The following SCIN variants were observed in gnomAD, a reference collection of about 807,000 sequenced individuals.
The protein encoded by SCIN is scinderin.
Under a neutral mutation model 91.8 loss-of-function variants are expected in SCIN, and 91 were observed. The observed-to-expected ratio is 0.99, with a 90% CI of 0.84 to 1.18. The LOEUF (loss-of-function observed/expected upper bound fraction) is 1.18, where lower values mean the gene tolerates loss of function less well. Ranked by LOEUF, SCIN falls within the 50% of genes most tolerant of loss-of-function variation. The pLI, the probability that SCIN is intolerant of heterozygous loss-of-function variation, is 0.00. For synonymous variants in SCIN, 367 were observed against 312.6 expected, an observed-to-expected ratio of 1.17 and a Z score of -1.84; for missense variants, 1,087 against 863.9, an observed-to-expected ratio of 1.26 and a Z score of -3.24.
rs1783030501 is a variant in SCIN at position 12,604,519 on chromosome 7, T to G, written c.522T>G (p.Ile174Met). The stretch of plus-strand genomic sequence containing the variant: ...GATCTGTCTCTTTCTTTTAGGAAAT[T>G]TATCAGTGGTGTGGTTCCTCGTGCA... ...DCFIIDLGTE[I>M]YQWCGSSCNK... Residue 174 changes from isoleucine to methionine, a missense_variant, in exon 4 of 16, where the codon ATT becomes ATG. Physicochemically the swap from Ile to Met is conservative, Grantham distance 10. Transcript: ENST00000297029. 6.4e-6 allele frequency: 10 copies of G among 1,551,594 alleles called. No individual in the cohort carries two copies. Among genetic ancestry groups the G allele is most frequent in the South Asian group, 4.8e-5 (4 of 84,052 alleles).
chr7:12,606,545 T>C (rs1405291675), intron 4 of SCIN, among the ~76,000 whole-genome samples: 1 of 152,194 alleles, frequency 6.6e-6, no homozygotes, highest in Non-Finnish European at 1.5e-5. Flanking sequence ...GTTTTGGAAA[T>C]AATTTTAATT....
intron 3 of SCIN, among the ~76,000 whole-genome samples, chr7:12,599,734 C>T (rs902196274): frequency 2.6e-5 from 4 of 151,668 alleles, no homozygotes; most frequent in Non-Finnish European, 4.4e-5. Context: ...GAGGTGGTAT[C>T]GCATTGTGAT....
Position 12,591,366 on chromosome 7 carries a change from T to C in SCIN, c.516+10145T>C, listed in dbSNP as rs577566749. 7.9e-5 allele frequency among the ~76,000 whole-genome samples: 12 copies of C among 152,260 alleles called. No individual in the cohort carries two copies. In the South Asian group the frequency reaches 2.5e-3, roughly 32 times the overall value. On this transcript the variant is annotated intron_variant, in intron 3 of 15. Transcript: ENST00000297029. ...GTATTCTGGCTGAAAGTTAGTTTCC[T>C]GCTTTCTAGAGCTAAGCTGGCTACC...
At position 12,629,093 on chromosome 7, in the gene SCIN, C is replaced by T. The variant is rs781445579; in HGVS notation, c.1198-8C>T. ...TGTAATTTGTTGTATATATTCCATT[C>T]CTTCCAGATTTGGCGTGTAGAAAAC... On this transcript the variant is annotated splice_polypyrimidine_tract_variant and splice_region_variant and intron_variant, in intron 8 of 15. Coordinates refer to ENST00000297029, the MANE Select transcript of SCIN (RefSeq NM_001112706.3). The T allele has an allele frequency of 1.4e-5, 23 of 1,607,636 alleles. 1 individual carries two copies. In the South Asian group the frequency reaches 2.4e-4, roughly 17 times the overall value.
chr7:12,575,881 G>A (rs1782359759), intron 1 of SCIN, among the ~76,000 whole-genome samples: 1 of 152,116 alleles, frequency 6.6e-6, no homozygotes, highest in Non-Finnish European at 1.5e-5. Context: ...CGCATCCAAA[G>A]GCTGACATTG....
At chr7:12,645,278 C>T (rs1220933430) in intron 13 of SCIN, among the ~76,000 whole-genome samples, 3 of 152,100 alleles carry the variant, frequency 2.0e-5, no homozygotes, top group East Asian at 1.9e-4. Context: ...AAGATCGTGC[C>T]ACTGGCACCA....
At chr7:12,640,655 T>C in intron 11 of SCIN, 138 bp downstream of exon 11, 3 of 770,756 alleles carry the variant, frequency 3.9e-6, no homozygotes, top group Non-Finnish European at 5.5e-6. Flanking sequence ...TTCAAAATTT[T>C]AAAAACATTT....
At position 12,644,585 on chromosome 7, in the gene SCIN, G is replaced by C; in HGVS notation, c.1761G>C (p.Glu587Asp). ...GATAACTGAGTGTGTTTTCCACAGA[G>C]GAGTTCTGGAATTCCCTTGGAGGGA... Reference protein sequence around the residue: ...TLRIQEGEEPEEFWNSLGGKK... With the variant: ...TLRIQEGEEPDEFWNSLGGKK... Residue 587 changes from glutamate (E) to aspartate (D), a missense_variant and splice_region_variant, in exon 13 of 16, where the codon GAG becomes GAC. Coordinates refer to ENST00000297029, the MANE Select transcript of SCIN (RefSeq NM_001112706.3). 2 of 1,612,342 alleles carry C rather than the reference G, an allele frequency of 1.2e-6. No homozygotes were observed. The highest frequency in any genetic ancestry group is 1.3e-5 in the African/African-American group (1 of 74,978).
chr7:12,640,939 C>T (rs1434620582), intron 11 of SCIN, among the ~76,000 whole-genome samples: 2 of 152,106 alleles, frequency 1.3e-5, no homozygotes, highest in African/African-American at 4.8e-5. Flanking sequence ...CACACTGGAC[C>T]AGAACCATAA....
At chr7:12,593,154 G>A (rs991945358) in intron 3 of SCIN, among the ~76,000 whole-genome samples, 9 of 152,238 alleles carry the variant, frequency 5.9e-5, no homozygotes, top group Admixed American at 1.3e-4. Flanking sequence ...ACATGGCCCC[G>A]TCCAGTGGCC....
intron 4 of SCIN, among the ~76,000 whole-genome samples, chr7:12,608,914 G>A (rs1783135759): frequency 6.6e-6 from 1 of 152,128 alleles, no homozygotes; most frequent in African/African-American, 2.4e-5. Context: ...AAATGAGCCT[G>A]TTTTCATTAC....
rs541371505 is a variant in SCIN at position 12,633,370 on chromosome 7, GA to G, written c.1320-2669del. Among the ~76,000 whole-genome samples the G allele has an allele frequency of 6.6e-5, 10 of 152,234 alleles. No individual in the cohort carries two copies. In the South Asian group the frequency reaches 2.1e-3, roughly 32 times the overall value. On this transcript the variant is annotated intron_variant, in intron 9 of 15. Coordinates refer to ENST00000297029, the MANE Select transcript of SCIN (RefSeq NM_001112706.3). ...GCAACAACCACCACAGGTTTATAAA[GA>G]AAAAATATGTCAAAGTAGATTGCTT...
chr7:12,619,981 T>G (rs1461547068), intron 4 of SCIN, among the ~76,000 whole-genome samples: 2 of 152,082 alleles, frequency 1.3e-5, no homozygotes, highest in Non-Finnish European at 2.9e-5. Flanking sequence ...TTTTTTAGTT[T>G]TTTAAAATTT....
chr7:12,572,130 G>A (rs907157358), intron 1 of SCIN, among the ~76,000 whole-genome samples: 9 of 152,176 alleles, frequency 5.9e-5, no homozygotes, highest in African/African-American at 1.9e-4. Context: ...ATTGAGTAGT[G>A]ACTGTCTAAA....
At position 12,652,681 on chromosome 7, in the gene SCIN, G is replaced by T. The variant is rs775414184; in HGVS notation, c.2114G>T (p.Gly705Val). ...GGCCATGAGCCACCCACATTCACAG[G>T]CTGGTTCCTGGGCTGGGATTCCAGC... is the stretch of plus-strand genomic sequence containing the variant. ...KQGHEPPTFTGWFLGWDSSKW is the reference protein window; with the variant it reads ...KQGHEPPTFTVWFLGWDSSKW The change falls in exon 16 of 16, where the codon GGC (glycine) becomes GTC (valine). Residue 705 changes from glycine to valine, a missense_variant. By Grantham distance (109) the Gly-to-Val change is moderately radical (BLOSUM62 -3). Coordinates refer to ENST00000297029, the MANE Select transcript of SCIN (RefSeq NM_001112706.3). 6.2e-7 allele frequency: 1 copy of T among 1,605,838 alleles called. No homozygotes were observed. Among genetic ancestry groups the T allele is most frequent in the Admixed American group, 1.7e-5 (1 of 58,048 alleles).
intron 3 of SCIN, among the ~76,000 whole-genome samples, chr7:12,591,642 G>C (rs751011386): frequency 6.6e-6 from 1 of 152,154 alleles, no homozygotes; most frequent in Non-Finnish European, 1.5e-5. Context: ...GAGGGGTTTA[G>C]GGGTTCATTG....
chr7:12,596,847 C>T (rs1243843100), intron 3 of SCIN, among the ~76,000 whole-genome samples: 2 of 152,184 alleles, frequency 1.3e-5, no homozygotes, highest in Non-Finnish European at 2.9e-5. Context: ...AGTCATTTTC[C>T]TTTTCCCTGT....
chr7:12,610,887 A>G (rs1783176705), intron 4 of SCIN: 1 of 152,222 alleles, frequency 6.6e-6, no homozygotes, highest in Non-Finnish European at 1.5e-5. Flanking sequence ...AGTGCTTCAC[A>G]CGGTAGGAAA....
At chr7:12,637,270 G>T (rs10244231) in intron 10 of SCIN, among the ~76,000 whole-genome samples, 28,574 of 152,154 alleles carry the variant, frequency 0.19, 3,187 homozygotes, top group Admixed American at 0.35. Context: ...AAAAAAAGAT[G>T]CATTTTCTTA....
Sources: allele counts gnomAD v4.1 joint callset (sites outside exome capture counted in the v4.1 genomes callset), GRCh38; gene constraint gnomAD v4.1.1; transcripts MANE v1.5; gene names NCBI Gene and HGNC (gene_info 2026-07-23, HGNC 2026-07-21).